Variants in ARHGAP23 observed in about 807,000 individuals in gnomAD.
ARHGAP23 encodes Rho GTPase activating protein 23, also known as rho GTPase-activating protein 23.
Under a neutral mutation model 136.3 loss-of-function variants are expected in ARHGAP23, and 34 were observed. The observed-to-expected ratio is 0.25, with a 90% confidence interval of 0.19 to 0.33. The LOEUF (loss-of-function observed/expected upper bound fraction) is 0.33, where lower values mean the gene tolerates loss of function less well. Among genes scored for constraint, ARHGAP23 ranks in the 10% least tolerant of loss-of-function variants. ARHGAP23 has a pLI of 1.00. For missense variants in ARHGAP23, 1,808 were observed against 2,139.0 expected (o/e 0.85, Z 3.05); for synonymous variants, 832 against 920.5 (o/e 0.90, Z 1.74).
At chr17:38,432,264 C>T (rs184318780) in intron 1 of ARHGAP23, among the ~76,000 whole-genome samples, 4 of 152,332 alleles carry the variant, frequency 2.6e-5, no homozygotes, top group African/African-American at 9.6e-5. Flanking sequence ...AGGCCGGGTA[C>T]AGTGGCTCAC....
chr17:38,438,072 C>A (rs2038840641), intron 1 of ARHGAP23, among the ~76,000 whole-genome samples: 1 of 152,184 alleles, frequency 6.6e-6, no homozygotes, highest in South Asian at 2.1e-4. Flanking sequence ...CCTGTCATCC[C>A]AGCACTTTTG....
In ARHGAP23 at chr17:38,511,039, C is replaced by A; in HGVS notation, c.*67C>A. On this transcript the variant is annotated 3_prime_UTR_variant, in exon 24 of 24. Coordinates refer to ENST00000622683, the MANE Select transcript of ARHGAP23 (RefSeq NM_001199417.2). Reference sequence around the variant, plus strand: ...GCCCCTTTGGAACCAGGAGGCTTCACCAGCCTGCACCTCCTCTTCTGTGGC... The same window carrying A: ...GCCCCTTTGGAACCAGGAGGCTTCAACAGCCTGCACCTCCTCTTCTGTGGC... 7.4e-7 allele frequency: 1 copy of A among 1,348,784 alleles called. No homozygotes were observed. Among genetic ancestry groups the A allele is most frequent in the Non-Finnish European group, 9.5e-7 (1 of 1,049,306 alleles). The allele number at this position is 1,348,784 out of a possible 1,614,324, so 83.6% of individuals were successfully genotyped here. A position where few individuals can be genotyped will look rare whatever the true frequency, so the allele number is the denominator to read the frequency against.
At chr17:38,471,602 T>C (rs1384316789) in intron 10 of ARHGAP23, among the ~76,000 whole-genome samples, 1 of 152,264 alleles carries the variant, frequency 6.6e-6, no homozygotes, top group Non-Finnish European at 1.5e-5. Context: ...GGCTCCGAAT[T>C]GGCTCCTGTA....
Position 38,463,103 on chromosome 17 carries a change from G to A in ARHGAP23, c.350-15G>A, listed in dbSNP as rs1455051246. On this transcript the variant is annotated splice_polypyrimidine_tract_variant and intron_variant, in intron 4 of 23. Transcript: ENST00000622683. ...GATGCCCTTTGGTCACCACTCATGC[G>A]CTCCTTGTCCCCAGGAGACCGGCTG... is the stretch of plus-strand genomic sequence containing the variant. 2.6e-6 allele frequency: 4 copies of A among 1,550,720 alleles called. No homozygotes were observed. Among genetic ancestry groups the A allele is most frequent in the East Asian group, 2.4e-5 (1 of 40,912 alleles).
At position 38,464,649 on chromosome 17, in the gene ARHGAP23, C is replaced by T. The variant is rs549661911; in HGVS notation, c.483+1267C>T. On this transcript the variant is annotated intron_variant, in intron 6 of 23. Transcript: ENST00000622683. ...TCTCAAGGCCCTGCCTGTACAGCTC[C>T]CCCAGGCTGAGGCGAGGCCAGCTAT... Among the ~76,000 whole-genome samples the T allele has an allele frequency of 2.6e-5, 4 of 152,324 alleles. No individual in the cohort carries two copies. In the South Asian group the frequency reaches 8.3e-4, roughly 32 times the overall value.
At chr17:38,459,639 A>G (rs1303080631) in intron 2 of ARHGAP23, among the ~76,000 whole-genome samples, 1 of 152,192 alleles carries the variant, frequency 6.6e-6, no homozygotes. Flanking sequence ...GGGCTGGAAG[A>G]CCTAGGGCCA....
chr17:38,474,269 A>G (rs2039836328), intron 11 of ARHGAP23, among the ~76,000 whole-genome samples: 1 of 152,148 alleles, frequency 6.6e-6, no homozygotes, highest in African/African-American at 2.4e-5. Flanking sequence ...GACTGGGGTT[A>G]TGTCTGTGAC....
In ARHGAP23 at chr17:38,511,711, C is replaced by G. The variant is rs1006251272; in HGVS notation, c.*739C>G. 6.6e-6 allele frequency: 1 copy of G among 152,190 alleles called. No individual in the cohort carries two copies. Among genetic ancestry groups the G allele is most frequent in the African/African-American group, 2.4e-5 (1 of 41,384 alleles). 9.4% of individuals were successfully genotyped at this position (152,190 alleles called of 1,614,324 possible). On this transcript the variant is annotated 3_prime_UTR_variant, in exon 24 of 24. Transcript: ENST00000622683. The stretch of plus-strand genomic sequence containing the variant: ...AGTCACCCTCTAAGCGCTTTAACCA[C>G]GGGCAGCTGCCTGTTCCCCAGACAG...
intron 6 of ARHGAP23, among the ~76,000 whole-genome samples, chr17:38,465,882 CAG>C (rs1411827415): frequency 6.6e-6 from 1 of 152,142 alleles, no homozygotes; most frequent in Non-Finnish European, 1.5e-5. Flanking sequence ...CCCCAGGAAA[CAG>C]ATGCTGGAAT....
rs554786914 is a variant in ARHGAP23, at chr17:38,474,485, G to A, written c.2118+2479G>A. Reference sequence around the variant, plus strand: ...TCCTGGCTTGGGCTGAGGGAGGGTGGTGGGTGGTGGGACCCTCCCTGGGCC... The same window carrying A: ...TCCTGGCTTGGGCTGAGGGAGGGTGATGGGTGGTGGGACCCTCCCTGGGCC... On this transcript the variant is annotated intron_variant, in intron 11 of 23. Coordinates refer to ENST00000622683, the MANE Select transcript of ARHGAP23 (RefSeq NM_001199417.2). Among the ~76,000 whole-genome samples, 6 of 152,232 alleles carry A rather than the reference G, an allele frequency of 3.9e-5. No individual in the cohort carries two copies. In the South Asian group the frequency reaches 1.0e-3, roughly 26 times the overall value.
intron 20 of ARHGAP23, among the ~76,000 whole-genome samples, chr17:38,494,087 C>T (rs2040336811): frequency 1.3e-5 from 2 of 152,214 alleles, no homozygotes; most frequent in African/African-American, 4.8e-5. Context: ...GGGAATATCA[C>T]TCTAGTTGTC....
intron 16 of ARHGAP23, among the ~76,000 whole-genome samples, 152 bp downstream of exon 16, chr17:38,482,830 A>T (rs2040077861): frequency 6.6e-6 from 1 of 152,138 alleles, no homozygotes; most frequent in South Asian, 2.1e-4. Context: ...GCAAGATGGG[A>T]CCTGCCCCCG....
chr17:38,429,779 A>T (rs567628922), intron 1 of ARHGAP23, among the ~76,000 whole-genome samples: 1 of 152,146 alleles, frequency 6.6e-6, no homozygotes, highest in Admixed American at 6.5e-5. Flanking sequence ...AGCAACACAT[A>T]CTTCATCTCT....
intron 1 of ARHGAP23, among the ~76,000 whole-genome samples, chr17:38,433,296 C>G (rs2038724294): frequency 6.6e-6 from 1 of 152,038 alleles, no homozygotes; most frequent in African/African-American, 2.4e-5. Context: ...CTCAAAATTA[C>G]AGAGAGGGCT....
At position 38,510,962 on chromosome 17, in the gene ARHGAP23, A is replaced by G. The variant is rs2040752834; in HGVS notation, c.4466A>G (p.Gln1489Arg). 1.4e-6 allele frequency: 2 copies of G among 1,448,112 alleles called. No individual in the cohort carries two copies. Among genetic ancestry groups the G allele is most frequent in the Non-Finnish European group, 1.8e-6 (2 of 1,112,964 alleles). 89.7% of individuals were successfully genotyped at this position (1,448,112 alleles called of 1,614,324 possible). A position where few individuals can be genotyped will look rare whatever the true frequency, so the allele number is the denominator to read the frequency against. The change falls in exon 24 of 24, where the codon CAG (glutamine) becomes CGG (arginine). Residue 1489 changes from glutamine (Q) to arginine (R), a missense_variant. This residue lies in a region of ARHGAP23 where 506 missense variants were observed against 455.8 expected (regional missense o/e 1.11). Transcript: ENST00000622683. The surrounding 1 kb of genome is among the most constrained non-coding windows in gnomAD (Gnocchi z 4.6). ...PRRSAASRLH[Q>R]CL The stretch of plus-strand genomic sequence containing the variant: ...CGCTCGGCCGCCTCCCGCCTGCATC[A>G]GTGTCTGTGATCCCCACCTCCCGCG...
In ARHGAP23 at chr17:38,454,221, G is replaced by A. The variant is rs558747637; in HGVS notation, c.64-3881G>A. On this transcript the variant is annotated intron_variant, in intron 1 of 23. Coordinates refer to ENST00000622683, the MANE Select transcript of ARHGAP23 (RefSeq NM_001199417.2). ...GGGACTGGGTCACCAACTCCCTGCG[G>A]CCTTTGAGCTGTGTGCGCCCTGCAT... 3.1e-4 allele frequency: 47 copies of A among 153,070 alleles called. 2 individuals are homozygous for A. In the South Asian group the frequency reaches 8.4e-3, roughly 27 times the overall value. The allele number at this position is 153,070 out of a possible 1,614,324, so 9.5% of individuals were successfully genotyped here.
rs747655809 is a variant in ARHGAP23 at position 38,469,241 on chromosome 17, C to T, written c.1746C>T (p.Thr582=). The T allele has an allele frequency of 1.3e-6, 2 of 1,551,664 alleles. No individual in the cohort carries two copies. The highest frequency in any genetic ancestry group is 2.4e-5 in the South Asian group (2 of 84,050). Residue 582 remains threonine, a synonymous_variant, in exon 8 of 24, where the codon ACC becomes ACT. Transcript: ENST00000622683. The stretch of plus-strand genomic sequence containing the variant: ...TGAACTCAGCCCCTGTCCTGGGCAC[C>T]AGCCCATCTTCCCCGACCTTCACTT... The part of the protein sequence containing the change: ...SAMNSAPVLG[T]SPSSPTFTFT...
intron 19 of ARHGAP23, 132 bp from the exon 20 acceptor site, chr17:38,491,275 C>T: frequency 8.2e-7 from 1 of 1,215,794 alleles, no homozygotes; most frequent in Non-Finnish European, 1.2e-6. Flanking sequence ...TCTCCATGCC[C>T]ATACAAGGGG....
At chr17:38,502,756 T>A (rs1277076335) in intron 23 of ARHGAP23, among the ~76,000 whole-genome samples, 2 of 152,144 alleles carry the variant, frequency 1.3e-5, no homozygotes, top group Non-Finnish European at 2.9e-5. Context: ...CATTAAAAGA[T>A]GAAAGCAGCC....
Sources: gnomAD v4.1 joint callset for allele counts (sites outside exome capture counted in the v4.1 genomes callset) on GRCh38, gnomAD v4.1.1 for gene constraint, gnomAD v4.1.1 regional missense constraint, Gnocchi (gnomAD v3.1) non-coding constraint, MANE v1.5 for transcripts, NCBI Gene and HGNC (gene_info 2026-07-23, HGNC 2026-07-21) for gene names.